Variants in DPYD observed in about 807,000 individuals in gnomAD.
The protein encoded by DPYD is dihydropyrimidine dehydrogenase [NADP(+)].
In DPYD, 109 loss-of-function variants were observed where a neutral mutation model predicts 116.2. The observed-to-expected ratio is 0.94, with a 90% CI of 0.80 to 1.10. The LOEUF is 1.10. DPYD is among the 50% of genes least tolerant of loss of function. The pLI, the probability that DPYD is intolerant of heterozygous loss-of-function variation, is 0.00. For synonymous variants in DPYD, 440 were observed against 432.0 expected (o/e 1.02, Z -0.23); for missense variants, 1,302 against 1,254.5 (o/e 1.04, Z -0.57).
Position 97,163,403 on chromosome 1 carries a change from C to A in DPYD, c.2622+29666G>T, listed in dbSNP as rs181413359. ...TTCCAAATGGAAAGAAAACAATCTA[C>A]TACCCAAATCAACACATAGTTTCCT... On this transcript the variant is annotated intron_variant, in intron 20 of 22. Coordinates refer to ENST00000370192, the MANE Select transcript of DPYD (RefSeq NM_000110.4). 9.2e-5 allele frequency among the ~76,000 whole-genome samples: 14 copies of A among 152,314 alleles called. No homozygotes were observed. The East Asian group carries it at 2.5e-3, about 27-fold the overall frequency.
At chr1:97,540,522 C>CCCCA (rs1306079903) in intron 12 of DPYD, among the ~76,000 whole-genome samples, 3 of 152,176 alleles carry the variant, frequency 2.0e-5, no homozygotes, top group Admixed American at 6.5e-5. Flanking sequence ...CCCTGTGGAG[C>CCCCA]TGGGGTGTGC....
At chr1:97,391,633 G>T (rs1169821814) in intron 14 of DPYD, among the ~76,000 whole-genome samples, 1 of 151,938 alleles carries the variant, frequency 6.6e-6, no homozygotes, top group Non-Finnish European at 1.5e-5. Flanking sequence ...GTTCCTCATT[G>T]TGACTACATT....
chr1:97,738,954 G>A (rs954096395), intron 4 of DPYD, among the ~76,000 whole-genome samples: 5 of 151,876 alleles, frequency 3.3e-5, no homozygotes, highest in Admixed American at 6.6e-5. Context: ...AATGAAGTGT[G>A]TACTCATAAA....
chr1:97,677,330 G>T (rs1660200185), intron 8 of DPYD, among the ~76,000 whole-genome samples: 1 of 151,982 alleles, frequency 6.6e-6, no homozygotes, highest in South Asian at 2.1e-4. Flanking sequence ...TCAAATAATG[G>T]AAAACATATC....
chr1:97,762,461 T>C (rs915685687), intron 3 of DPYD, among the ~76,000 whole-genome samples: 6 of 152,156 alleles, frequency 3.9e-5, no homozygotes, highest in Non-Finnish European at 5.9e-5. Context: ...TGCCAAGGAA[T>C]GATAAAGTCA....
chr1:97,480,401 C>T (rs951471963), intron 13 of DPYD, among the ~76,000 whole-genome samples: 2 of 151,982 alleles, frequency 1.3e-5, no homozygotes, highest in African/African-American at 4.8e-5. Flanking sequence ...ACACTCATAA[C>T]AAATCAGGTA....
At chr1:97,196,396 A>G (rs1658813180) in intron 19 of DPYD, among the ~76,000 whole-genome samples, 1 of 152,166 alleles carries the variant, frequency 6.6e-6, no homozygotes. Flanking sequence ...GATTACAGGC[A>G]TGGACCACCA....
chr1:97,918,841 A>G (rs1396923399), intron 1 of DPYD, among the ~76,000 whole-genome samples: 1 of 152,176 alleles, frequency 6.6e-6, no homozygotes, highest in East Asian at 1.9e-4. Context: ...CTTCATACCA[A>G]TATTTTTAAA....
At chr1:97,195,632 G>GTGTATGTATATA (rs1557929535) in intron 19 of DPYD, among the ~76,000 whole-genome samples, 1 of 41,114 alleles carries the variant, frequency 2.4e-5, no homozygotes, top group African/African-American at 9.0e-5. Context: ...GTATATGTAT[G>GTGTATGTATATA]TGTATATATA....
intron 5 of DPYD, chr1:97,720,886 C>T (rs1201797821): frequency 3.7e-6 from 6 of 1,609,342 alleles, no homozygotes; most frequent in African/African-American, 1.3e-5. Flanking sequence ...GAATCAAAGT[C>T]TTTACAAATG....
chr1:97,587,433 T>A (rs1654203070), intron 10 of DPYD, among the ~76,000 whole-genome samples: 1 of 152,180 alleles, frequency 6.6e-6, no homozygotes, highest in Admixed American at 6.5e-5. Context: ...TAAATAAAAT[T>A]AAATTTGTCA....
intron 16 of DPYD, among the ~76,000 whole-genome samples, chr1:97,363,310 T>C (rs1488924045): frequency 6.6e-6 from 1 of 152,164 alleles, no homozygotes. Context: ...CAACAGATGC[T>C]GGAGAGGATG....
intron 19 of DPYD, among the ~76,000 whole-genome samples, chr1:97,234,128 G>A (rs748692667): frequency 6.6e-6 from 1 of 152,142 alleles, no homozygotes; most frequent in Admixed American, 6.5e-5. Context: ...TCACAGTCTA[G>A]TCATATAAAA....
intron 6 of DPYD, among the ~76,000 whole-genome samples, chr1:97,693,610 A>G (rs1661147953): frequency 6.6e-6 from 1 of 152,134 alleles, no homozygotes; most frequent in Non-Finnish European, 1.5e-5. Context: ...CTTGATAGAC[A>G]TGGGGCTGCA....
chr1:97,193,036 C>T (rs753563894), intron 20 of DPYD, 33 bp downstream of exon 20: 1 of 1,611,574 alleles, frequency 6.2e-7, no homozygotes, highest in South Asian at 1.1e-5. Flanking sequence ...AGGCTGAGTT[C>T]TCAAGAATAA....
intron 7 of DPYD, among the ~76,000 whole-genome samples, chr1:97,685,246 T>A (rs373619008): frequency 2.0e-5 from 3 of 152,158 alleles, no homozygotes; most frequent in Non-Finnish European, 4.4e-5. Context: ...AAAAAACACA[T>A]GATTATCTCA....
chr1:97,149,465 C>G (rs994038122), intron 20 of DPYD, among the ~76,000 whole-genome samples: 25 of 152,122 alleles, frequency 1.6e-4, no homozygotes, highest in African/African-American at 6.0e-4. Flanking sequence ...GTTGGCCAGG[C>G]TGGCCTCAAA....
At chr1:97,396,594 A>G (rs1432714048) in intron 14 of DPYD, among the ~76,000 whole-genome samples, 1 of 152,184 alleles carries the variant, frequency 6.6e-6, no homozygotes, top group East Asian at 1.9e-4. Context: ...GGGATGATTC[A>G]CAGCTTCCTG....
At chr1:97,409,292 T>C (rs550741074) in intron 14 of DPYD, among the ~76,000 whole-genome samples, 2 of 152,294 alleles carry the variant, frequency 1.3e-5, no homozygotes, top group South Asian at 2.1e-4. Flanking sequence ...TCATTAACTA[T>C]GATTGAAAGT....
Sources: gnomAD v4.1 joint callset for allele counts (sites outside exome capture counted in the v4.1 genomes callset) on GRCh38, gnomAD v4.1.1 for gene constraint, MANE v1.5 for transcripts, NCBI Gene and HGNC (gene_info 2026-07-23, HGNC 2026-07-21) for gene names.